The following ADARB2 variants were observed in gnomAD, a reference collection of about 807,000 sequenced individuals.
ADARB2 encodes the protein adenosine deaminase RNA specific B2 (inactive), also known as inactive double-stranded RNA-specific editase B2.
In ADARB2, 25 loss-of-function variants were observed where a neutral mutation model predicts 62.2. The observed-to-expected ratio is 0.40, with a 90% CI of 0.29 to 0.56. The LOEUF is 0.56. Among genes scored for constraint, ADARB2 ranks in the 20% least tolerant of loss-of-function variants. The pLI is 0.43. For synonymous variants in ADARB2, 572 were observed against 500.8 expected (o/e 1.14, Z -1.90); for missense variants, 1,071 against 1,077.4 (o/e 0.99, Z 0.08).
At chr10:1,300,626 G>A (rs1351772287) in intron 3 of ADARB2, among the ~76,000 whole-genome samples, 2 of 152,324 alleles carry the variant, frequency 1.3e-5, no homozygotes, top group East Asian at 3.9e-4. Flanking sequence ...GCCTCCCTGA[G>A]CATAGCAATT....
chr10:1,505,123 T>C lies in ADARB2; in HGVS notation c.101-125963A>G, dbSNP rs1334186523. ...CATGCACACACAGACACACACAACA[T>C]AGACATGCACACATACAGACACACT... is the stretch of plus-strand genomic sequence containing the variant. On this transcript the variant is annotated intron_variant, in intron 1 of 9. Transcript: ENST00000381312. Among the ~76,000 whole-genome samples, 7 of 149,262 alleles carry C rather than the reference T, an allele frequency of 4.7e-5. No individual in the cohort carries two copies. In the East Asian group the frequency reaches 1.4e-3, roughly 30 times the overall value.
chr10:1,412,560 C>T (rs1489259518), intron 1 of ADARB2, among the ~76,000 whole-genome samples: 1 of 152,040 alleles, frequency 6.6e-6, no homozygotes, highest in African/African-American at 2.4e-5. Flanking sequence ...TTCCTTTGAG[C>T]CAACGCATAA....
Position 1,274,080 on chromosome 10 carries a change from A to C in ADARB2, c.1078-3011T>G, listed in dbSNP as rs148503267. 1.9e-3 allele frequency among the ~76,000 whole-genome samples: 290 copies of C among 152,374 alleles called. 2 individuals carry two copies. The highest frequency in any genetic ancestry group is 6.3e-3 in the African/African-American group (263 of 41,598). ...CTTGTCCAAAGCTGATGTCTGAGAT[A>C]AACCTTGAAGGATGAGTAGGAGAGC... is the stretch of plus-strand genomic sequence containing the variant. On this transcript the variant is annotated intron_variant, in intron 3 of 9. Transcript: ENST00000381312.
intron 1 of ADARB2, among the ~76,000 whole-genome samples, chr10:1,606,272 G>A (rs1190986145): frequency 6.6e-6 from 1 of 152,174 alleles, no homozygotes; most frequent in Non-Finnish European, 1.5e-5. Context: ...GGGCTTAGAA[G>A]TGCAAAGTCA....
At chr10:1,681,005 A>T (rs1834528734) in intron 1 of ADARB2, among the ~76,000 whole-genome samples, 1 of 152,196 alleles carries the variant, frequency 6.6e-6, no homozygotes, top group Admixed American at 6.5e-5. Flanking sequence ...GTGTGTCTAT[A>T]AACAAGGGGT....
At chr10:1,682,999 G>GGTTATCGAACGTTGTCATTCA (rs1422273161) in intron 1 of ADARB2, among the ~76,000 whole-genome samples, 2 of 152,140 alleles carry the variant, frequency 1.3e-5, no homozygotes, top group African/African-American at 4.8e-5. Context: ...AGAAGCACGT[G>GGTTATCGAACGTTGTCATTCA]GTTATCGAAC....
Position 1,577,708 on chromosome 10 carries a change from CAGGGAGCAGCCCA to C in ADARB2, c.100+159330_100+159342del, listed in dbSNP as rs1175250176. Among the ~76,000 whole-genome samples the C allele has an allele frequency of 6.6e-5, 10 of 152,168 alleles. No homozygotes were observed. The East Asian group carries it at 1.9e-3, about 29-fold the overall frequency. ...CACCATCCCTGCCGCACACGACACA[CAGGGAGCAGCCCA>C]ATGTGCTGCATGTGAGCTGTGTCCC... On this transcript the variant is annotated intron_variant, in intron 1 of 9. Coordinates refer to ENST00000381312, the MANE Select transcript of ADARB2 (RefSeq NM_018702.4).
At chr10:1,339,976 A>G (rs1832007737) in intron 3 of ADARB2, among the ~76,000 whole-genome samples, 1 of 152,090 alleles carries the variant, frequency 6.6e-6, no homozygotes, top group South Asian at 2.1e-4. Flanking sequence ...TGGGCAGTGG[A>G]GAGGGAACAT....
At chr10:1,435,671 C>T (rs1041203995) in intron 1 of ADARB2, among the ~76,000 whole-genome samples, 1 of 151,666 alleles carries the variant, frequency 6.6e-6, no homozygotes, top group African/African-American at 2.4e-5. Context: ...CGTTCCAAAA[C>T]CTGCACGGGA....
At chr10:1,241,740 C>T (rs113095760) in intron 5 of ADARB2, among the ~76,000 whole-genome samples, 6 of 152,314 alleles carry the variant, frequency 3.9e-5, no homozygotes, top group South Asian at 2.1e-4. Context: ...AAGAAGACAG[C>T]GCGTCTCCAA....
At chr10:1,305,363 A>T (rs1198240356) in intron 3 of ADARB2, among the ~76,000 whole-genome samples, 5 of 152,034 alleles carry the variant, frequency 3.3e-5, no homozygotes, top group Non-Finnish European at 7.4e-5. Flanking sequence ...AAGAAGTTGA[A>T]TCTCTGAATA....
intron 1 of ADARB2, among the ~76,000 whole-genome samples, chr10:1,583,040 T>G (rs1833127036): frequency 1.3e-5 from 2 of 152,214 alleles, no homozygotes; most frequent in African/African-American, 4.8e-5. Flanking sequence ...CCAATATTGC[T>G]CTTTCTCCTG....
chr10:1,550,556 G>A (rs149250525), intron 1 of ADARB2, among the ~76,000 whole-genome samples: 8 of 152,336 alleles, frequency 5.3e-5, no homozygotes, highest in East Asian at 1.9e-4. Context: ...AATTTACCAC[G>A]ATTTACTGGA....
chr10:1,629,915 G>A (rs1005665427), intron 1 of ADARB2, among the ~76,000 whole-genome samples: 5 of 152,182 alleles, frequency 3.3e-5, no homozygotes, highest in South Asian at 4.2e-4. Flanking sequence ...GGAAGGGAGC[G>A]TGAGGAGGGA....
At chr10:1,258,395 T>C (rs1270355022) in intron 4 of ADARB2, among the ~76,000 whole-genome samples, 1 of 152,122 alleles carries the variant, frequency 6.6e-6, no homozygotes, top group East Asian at 1.9e-4. Flanking sequence ...CCCATCAGTG[T>C]GCTGTATTCA....
chr10:1,365,885 G>A (rs903759635), intron 2 of ADARB2, among the ~76,000 whole-genome samples: 9 of 152,212 alleles, frequency 5.9e-5, no homozygotes, highest in African/African-American at 2.2e-4. Flanking sequence ...GGAATGATGA[G>A]TCATCAGTGA....
At chr10:1,651,937 C>T (rs1038788692) in intron 1 of ADARB2, among the ~76,000 whole-genome samples, 1 of 152,118 alleles carries the variant, frequency 6.6e-6, no homozygotes, top group Non-Finnish European at 1.5e-5. Context: ...AAAGATCCAT[C>T]GAAAAGCATC....
At chr10:1,412,971 G>C (rs1832771683) in intron 1 of ADARB2, among the ~76,000 whole-genome samples, 1 of 152,020 alleles carries the variant, frequency 6.6e-6, no homozygotes, top group African/African-American at 2.4e-5. Context: ...GAGGGGTCTT[G>C]CCCACTGCCT....
chr10:1,665,407 A>G (rs1834303714), intron 1 of ADARB2, among the ~76,000 whole-genome samples: 3 of 152,234 alleles, frequency 2.0e-5, no homozygotes, highest in Non-Finnish European at 4.4e-5. Flanking sequence ...GCATCCACCC[A>G]GGGAACGGCA....
Sources: allele counts gnomAD v4.1 joint callset (sites outside exome capture counted in the v4.1 genomes callset), GRCh38; gene constraint gnomAD v4.1.1; transcripts MANE v1.5; gene names NCBI Gene and HGNC (gene_info 2026-07-23, HGNC 2026-07-21).